The following CDC16 variants were observed in gnomAD, a reference collection of about 807,000 sequenced individuals.
CDC16 encodes cell division cycle protein 16 homolog.
Under a neutral mutation model 87.0 loss-of-function variants are expected in CDC16, and 34 were observed. The observed-to-expected ratio is 0.39, with a 90% CI of 0.30 to 0.52. The LOEUF (loss-of-function observed/expected upper bound fraction) is 0.52, where lower values mean the gene tolerates loss of function less well. Ranked by LOEUF, CDC16 falls within the 20% of genes least tolerant of loss-of-function variation. CDC16 has a pLI of 0.74. For synonymous variants in CDC16, 263 were observed against 260.6 expected (o/e 1.01, Z -0.09); for missense variants, 653 against 751.9 (o/e 0.87, Z 1.54).
chr13:114,240,817 G>T (rs2081509746), intron 5 of CDC16, among the ~76,000 whole-genome samples: 1 of 152,000 alleles, frequency 6.6e-6, no homozygotes, highest in African/African-American at 2.4e-5. Context: ...CTTCTGTTAA[G>T]AAATGCATTT....
chr13:114,243,116 C>G, intron 6 of CDC16, 141 bp from the exon 7 acceptor site: 1 of 567,452 alleles, frequency 1.8e-6, no homozygotes, highest in South Asian at 2.5e-5. Flanking sequence ...GTGTCAGCTT[C>G]TGTTGCACAT....
At chr13:114,238,854 A>G (rs2081393705) in intron 3 of CDC16, 136 bp from the exon 4 acceptor site, 1 of 1,151,254 alleles carries the variant, frequency 8.7e-7, no homozygotes, top group Admixed American at 2.9e-5. Flanking sequence ...GTTTAACAGG[A>G]CTGGATTTTT....
chr13:114,255,817 T>G (rs2082461752), intron 12 of CDC16, among the ~76,000 whole-genome samples: 1 of 152,102 alleles, frequency 6.6e-6, no homozygotes, highest in Non-Finnish European at 1.5e-5. Context: ...TAATTTTTTA[T>G]TACTTTTTAG....
At chr13:114,263,101 C>A in intron 16 of CDC16, 87 bp downstream of exon 16, 1 of 1,192,006 alleles carries the variant, frequency 8.4e-7, no homozygotes, top group Non-Finnish European at 1.2e-6. Flanking sequence ...GTAATATTGA[C>A]TTACTATTTT....
intron 1 of CDC16, among the ~76,000 whole-genome samples, chr13:114,235,935 A>G (rs1300809925): frequency 6.6e-6 from 1 of 152,206 alleles, no homozygotes; most frequent in East Asian, 1.9e-4. Context: ...AGACACCGGT[A>G]TTGAGCATAT....
At chr13:114,255,001 A>G (rs1319190304) in intron 12 of CDC16, among the ~76,000 whole-genome samples, 1 of 152,198 alleles carries the variant, frequency 6.6e-6, no homozygotes, top group Non-Finnish European at 1.5e-5. Flanking sequence ...TACTATTGAT[A>G]ATAACTCTTT....
chr13:114,249,630 T>C (rs974227610), intron 11 of CDC16, among the ~76,000 whole-genome samples: 2 of 152,238 alleles, frequency 1.3e-5, no homozygotes, highest in African/African-American at 4.8e-5. Flanking sequence ...TTCACTGATA[T>C]ATATGAGTCC....
intron 9 of CDC16, among the ~76,000 whole-genome samples, chr13:114,245,268 C>T (rs535525011): frequency 2.0e-5 from 3 of 151,392 alleles, no homozygotes; most frequent in Non-Finnish European, 2.9e-5. Context: ...TGCCTCCCCC[C>T]CCCTTTTTTT....
chr13:114,250,677 A>G lies in CDC16; in HGVS notation c.1097+3A>G, dbSNP rs1363784322. Reference sequence around the variant, plus strand: ...ACAGCAGCACAGCTGATGAAAGGGTACGGCAGAGCAAACTCATCAAACTCC... The same window carrying G: ...ACAGCAGCACAGCTGATGAAAGGGTGCGGCAGAGCAAACTCATCAAACTCC... On this transcript the variant is annotated splice_donor_region_variant and intron_variant, in intron 12 of 17. Transcript: ENST00000356221. 3 of 1,613,712 alleles carry G rather than the reference A, an allele frequency of 1.9e-6. No homozygotes were observed. The highest frequency in any genetic ancestry group is 3.3e-5 in the Admixed American group (2 of 59,896).
At chr13:114,252,350 C>T (rs951799282) in intron 12 of CDC16, among the ~76,000 whole-genome samples, 4 of 152,208 alleles carry the variant, frequency 2.6e-5, no homozygotes, top group Non-Finnish European at 5.9e-5. Flanking sequence ...CCTTTATTAT[C>T]TTTTCATAGG....
At chr13:114,269,477 A>G (rs887213705) in intron 17 of CDC16, among the ~76,000 whole-genome samples, 1 of 151,912 alleles carries the variant, frequency 6.6e-6, no homozygotes, top group South Asian at 2.1e-4. Flanking sequence ...TAGCAGTTCT[A>G]CTCCCAGGTA....
At chr13:114,258,655 G>A (rs1229083357) in intron 13 of CDC16, among the ~76,000 whole-genome samples, 2 of 152,090 alleles carry the variant, frequency 1.3e-5, no homozygotes, top group Admixed American at 6.6e-5. Flanking sequence ...CAAATAAGAC[G>A]TCTTTAAATA....
At chr13:114,256,213 G>GA (rs2082488745) in intron 12 of CDC16, among the ~76,000 whole-genome samples, 2 of 152,262 alleles carry the variant, frequency 1.3e-5, no homozygotes, top group African/African-American at 4.8e-5. Flanking sequence ...CCAAAGTTCT[G>GA]AAAAAATTGG....
At chr13:114,266,674 C>G (rs1346544117) in intron 17 of CDC16, among the ~76,000 whole-genome samples, 1 of 152,000 alleles carries the variant, frequency 6.6e-6, no homozygotes, top group African/African-American at 2.4e-5. Flanking sequence ...CTATATATCT[C>G]AAATTTTATT....
rs1159095245 is a variant in CDC16 at position 114,243,348 on chromosome 13, A to C, written c.633A>C (p.Lys211Asn). 6.8e-7 allele frequency: 1 copy of C among 1,476,834 alleles called. No individual in the cohort carries two copies. The highest frequency in any genetic ancestry group is 9.5e-7 in the Non-Finnish European group (1 of 1,055,798). 91.5% of individuals were successfully genotyped at this position (1,476,834 alleles called of 1,614,324 possible). ...TTCTATTTGAGAACAAATTGAAAAA[A>C]GTAAGTAAAACCAAAGAGTTAGCAC... ...LRFLFENKLK[K>N]YNKPSETVIP... The change falls in exon 7 of 18, where the codon AAA (lysine) becomes AAC (asparagine). Residue 211 changes from lysine (K) to asparagine (N), a missense_variant and splice_region_variant. By Grantham distance (94) the Lys-to-Asn change is moderately conservative. Transcript: ENST00000356221.
chr13:114,235,084 C>A lies in CDC16; in HGVS notation c.-1C>A. 1 of 1,246,588 alleles carries A rather than the reference C, an allele frequency of 8.0e-7. No homozygotes were observed. Among genetic ancestry groups the A allele is most frequent in the Non-Finnish European group, 1.0e-6 (1 of 996,262 alleles). The allele number at this position is 1,246,588 out of a possible 1,614,324, so 77.2% of individuals were successfully genotyped here. On this transcript the variant is annotated 5_prime_UTR_variant, in exon 1 of 18. Coordinates refer to ENST00000356221, the MANE Select transcript of CDC16 (RefSeq NM_001078645.3). ...TGGCGTGAGGCCGGGCCCGCGCCGCCATGAACCTAGAGCGGCTGCGGAAGC... is the reference window on the plus strand; with the variant it reads ...TGGCGTGAGGCCGGGCCCGCGCCGCAATGAACCTAGAGCGGCTGCGGAAGC...
intron 5 of CDC16, among the ~76,000 whole-genome samples, chr13:114,240,712 T>A (rs972075706): frequency 1.3e-4 from 20 of 152,200 alleles, no homozygotes; most frequent in Admixed American, 1.3e-3. Flanking sequence ...CCTTAGATAG[T>A]TATTTTTAAG....
chr13:114,262,012 A>G, intron 15 of CDC16, 64 bp downstream of exon 15: 1 of 981,588 alleles, frequency 1.0e-6, no homozygotes, highest in Non-Finnish European at 1.6e-6. Context: ...AATTTTGAAT[A>G]CTTTGTCATA....
intron 5 of CDC16, among the ~76,000 whole-genome samples, chr13:114,240,034 T>C (rs1300776040): frequency 1.3e-5 from 2 of 152,138 alleles, no homozygotes; most frequent in African/African-American, 4.8e-5. Flanking sequence ...AAAAACTTAT[T>C]GAGGTATAAT....
Sources: gnomAD v4.1 joint callset for allele counts (sites outside exome capture counted in the v4.1 genomes callset) on GRCh38, gnomAD v4.1.1 for gene constraint, MANE v1.5 for transcripts, NCBI Gene and HGNC (gene_info 2026-07-23, HGNC 2026-07-21) for gene names.